The following RNF10 variants were observed in gnomAD, a reference collection of about 807,000 sequenced individuals.
The protein encoded by RNF10 is ring finger protein 10.
Under a neutral mutation model 91.4 loss-of-function variants are expected in RNF10, and 38 were observed. The observed-to-expected ratio is 0.42, with a 90% CI of 0.32 to 0.54. The LOEUF is 0.54. RNF10 is among the 20% of genes least tolerant of loss of function. RNF10 has a pLI of 0.16. For synonymous variants in RNF10, 364 were observed against 366.3 expected (o/e 0.99, Z 0.07); for missense variants, 945 against 1,012.0 (o/e 0.93, Z 0.90).
At chr12:120,536,219 T>G (rs1306779979) in intron 1 of RNF10, among the ~76,000 whole-genome samples, 1 of 151,634 alleles carries the variant, frequency 6.6e-6, no homozygotes, top group Non-Finnish European at 1.5e-5. Context: ...CCCAGGAGTT[T>G]CACACCAGCT....
Position 120,565,329 on chromosome 12 carries a change from C to T in RNF10, c.1784-99C>T, listed in dbSNP as rs80072520. 2.3e-3 allele frequency: 2,779 copies of T among 1,213,816 alleles called. 45 individuals are homozygous for T. In the African/African-American group the frequency reaches 0.037, roughly 16 times the overall value. The allele number at this position is 1,213,816 out of a possible 1,614,324, so 75.2% of individuals were successfully genotyped here. Reference sequence around the variant, plus strand: ...AAACACTTCATCTGTTCATCTAGTCCAGCTGGGCCTACTGTTGTGGGTTTA... The same window carrying T: ...AAACACTTCATCTGTTCATCTAGTCTAGCTGGGCCTACTGTTGTGGGTTTA... On this transcript the variant is annotated intron_variant, in intron 11 of 16. Transcript: ENST00000325954.
chr12:120,548,783 C>A lies in RNF10; in HGVS notation c.354+2182C>A, dbSNP rs191606987. On this transcript the variant is annotated intron_variant, in intron 2 of 16. Transcript: ENST00000325954. ...ACGCCATTCTCCTGCCTCAGTCTCC[C>A]GAGTAGCTGGGACTACAGCTGGGAC... 5.8e-3 allele frequency among the ~76,000 whole-genome samples: 877 copies of A among 151,878 alleles called. 9 individuals carry two copies. The highest frequency in any genetic ancestry group is 0.018 in the Admixed American group (269 of 15,248).
rs574499882 is a variant in RNF10, at chr12:120,539,850, T to TC, written c.157+4885dup. On this transcript the variant is annotated intron_variant, in intron 1 of 16. Transcript: ENST00000325954. ...GAATCTCCTCAGGAACTTTTTTTTTTCCCTCAAGACAGTCTTGCTCTGTCA... is the reference window on the plus strand; with the variant it reads ...GAATCTCCTCAGGAACTTTTTTTTTTCCCCTCAAGACAGTCTTGCTCTGTCA... 6.4e-4 allele frequency among the ~76,000 whole-genome samples: 97 copies of TC among 152,066 alleles called. 1 individual carries two copies. The South Asian group carries it at 0.014, about 23-fold the overall frequency.
In RNF10 at chr12:120,576,993, C is replaced by G. The variant is rs903998668; in HGVS notation, c.*327C>G. On this transcript the variant is annotated 3_prime_UTR_variant, in exon 17 of 17. Coordinates refer to ENST00000325954, the MANE Select transcript of RNF10 (RefSeq NM_014868.5). ...GTAAGATTGAGTCCCCTTTGAGATG[C>G]ATTAGAGCAGTCCAACCCAGAATGG... 2 of 368,016 alleles carry G rather than the reference C, an allele frequency of 5.4e-6. No individual in the cohort carries two copies. The highest frequency in any genetic ancestry group is 4.3e-5 in the African/African-American group (2 of 46,894). The allele number at this position is 368,016 out of a possible 1,614,324, so 22.8% of individuals were successfully genotyped here.
chr12:120,576,149 C>T (rs998479371), intron 16 of RNF10, among the ~76,000 whole-genome samples, 199 bp downstream of exon 16: 6 of 152,156 alleles, frequency 3.9e-5, no homozygotes, highest in Admixed American at 6.5e-5. Context: ...AAATTGATGA[C>T]GCCTGAAAGT....
intron 13 of RNF10, 146 bp from the exon 14 acceptor site, chr12:120,571,045 T>A: frequency 1.6e-6 from 1 of 608,626 alleles, no homozygotes; most frequent in South Asian, 2.0e-5. Flanking sequence ...CATGGAAGAG[T>A]TGAAAGTTGG....
In RNF10 at chr12:120,563,407, A is replaced by C; in HGVS notation, c.1315A>C (p.Thr439Pro). Reference sequence around the variant, plus strand: ...AACCACGGAAGTTTGTTCTCTGGACACTCCTTCTAGACCTCTTGCTCTCCC... The same window carrying C: ...AACCACGGAAGTTTGTTCTCTGGACCCTCCTTCTAGACCTCTTGCTCTCCC... ...EETTEVCSLDTPSRPLALPLV... is the reference protein window; with the variant it reads ...EETTEVCSLDPPSRPLALPLV... Residue 439 changes from threonine (T) to proline (P), a missense_variant, in exon 9 of 17, where the codon ACT becomes CCT. Physicochemically the swap from Thr to Pro is conservative, Grantham distance 38. Coordinates refer to ENST00000325954, the MANE Select transcript of RNF10 (RefSeq NM_014868.5). 6.2e-7 allele frequency: 1 copy of C among 1,613,952 alleles called. No homozygotes were observed. Among genetic ancestry groups the C allele is most frequent in the African/African-American group, 1.3e-5 (1 of 74,970 alleles).
Position 120,563,554 on chromosome 12 carries a change from CAGCAGGAACCCATCACCA to C in RNF10, c.1465_1482del (p.Gln489_Lys494del), listed in dbSNP as rs1160875630. The C allele has an allele frequency of 6.2e-7, 1 of 1,613,892 alleles. No homozygotes were observed. Among genetic ancestry groups the C allele is most frequent in the East Asian group, 2.2e-5 (1 of 44,874 alleles). Reference sequence around the variant, plus strand: ...GGGGACCATTTGCACTGAGTCCAGCCAGCAGGAACCCATCACCAAGTCAGGCTTCACACGCCTCAGCAG... The same window carrying C: ...GGGGACCATTTGCACTGAGTCCAGCCAGTCAGGCTTCACACGCCTCAGCAG... On this transcript the variant is annotated inframe_deletion, in exon 9 of 17. Transcript: ENST00000325954.
chr12:120,535,309 A>C, intron 1 of RNF10: 3 of 204,316 alleles, frequency 1.5e-5, no homozygotes, highest in Non-Finnish European at 2.9e-5. Context: ...ACGCTCCTAA[A>C]ACCACTAAGT....
chr12:120,541,988 T>C (rs1340913024), intron 1 of RNF10, among the ~76,000 whole-genome samples: 1 of 151,568 alleles, frequency 6.6e-6, no homozygotes, highest in African/African-American at 2.4e-5. Context: ...TGCCTCAGCC[T>C]CCTGAGTAGC....
At chr12:120,551,730 C>G (rs564775362) in intron 2 of RNF10, among the ~76,000 whole-genome samples, 1 of 152,252 alleles carries the variant, frequency 6.6e-6, no homozygotes, top group Non-Finnish European at 1.5e-5. Flanking sequence ...AATTCCTGGG[C>G]TCAAGTGCCC....
intron 1 of RNF10, 130 bp downstream of exon 1, chr12:120,535,098 A>G: frequency 4.0e-6 from 4 of 1,008,676 alleles, no homozygotes; most frequent in Non-Finnish European, 5.5e-6. Flanking sequence ...GCCCTTTTCC[A>G]TGGCTCTCAT....
At chr12:120,563,178 A>T in intron 8 of RNF10, 108 bp downstream of exon 8, 1 of 1,536,406 alleles carries the variant, frequency 6.5e-7, no homozygotes, top group Non-Finnish European at 9.0e-7. Context: ...GGGGACAATG[A>T]GTATTTTCTG....
At chr12:120,559,889 G>A (rs1427035820) in intron 6 of RNF10, among the ~76,000 whole-genome samples, 1 of 151,360 alleles carries the variant, frequency 6.6e-6, no homozygotes, top group African/African-American at 2.4e-5. Flanking sequence ...TAGAAACAGG[G>A]TATCTCTATG....
At position 120,576,637 on chromosome 12, in the gene RNF10, T is replaced by C; in HGVS notation, c.2407T>C (p.Phe803Leu). Residue 803 changes from phenylalanine to leucine, a missense_variant, in exon 17 of 17, where the codon TTC becomes CTC. By Grantham distance (22) the Phe-to-Leu change is conservative (BLOSUM62 0). Transcript: ENST00000325954. ...AAAAAAACAGAAACAGAAGCTCCTG[T>C]TCAGCACCTCAGTCGTCCACACCAA... ...KRKKQKQKLL[F>L]STSVVHTK The C allele has an allele frequency of 6.2e-7, 1 of 1,614,028 alleles. No individual in the cohort carries two copies. The highest frequency in any genetic ancestry group is 2.2e-5 in the East Asian group (1 of 44,882).
At chr12:120,547,438 T>C (rs1872499130) in intron 2 of RNF10, among the ~76,000 whole-genome samples, 1 of 152,166 alleles carries the variant, frequency 6.6e-6, no homozygotes, top group African/African-American at 2.4e-5. Context: ...TACAGGTGCA[T>C]GCCACCATGC....
At chr12:120,560,291 A>G (rs1874657007) in intron 6 of RNF10, among the ~76,000 whole-genome samples, 1 of 151,798 alleles carries the variant, frequency 6.6e-6, no homozygotes. Context: ...AGCTGGGATT[A>G]CAGGCATGCC....
chr12:120,560,976 G>C, intron 7 of RNF10, 90 bp downstream of exon 7: 1 of 1,317,420 alleles, frequency 7.6e-7, no homozygotes, highest in South Asian at 1.4e-5. Flanking sequence ...TCACTCTGTC[G>C]GGGGTGAGAT....
intron 1 of RNF10, among the ~76,000 whole-genome samples, chr12:120,545,094 C>G (rs1872118809): frequency 6.6e-6 from 1 of 152,206 alleles, no homozygotes; most frequent in Non-Finnish European, 1.5e-5. Flanking sequence ...TGAGTTAGTG[C>G]TCTGTGGGTA....
Sources: allele counts gnomAD v4.1 joint callset (sites outside exome capture counted in the v4.1 genomes callset), GRCh38; gene constraint gnomAD v4.1.1; transcripts MANE v1.5; gene names NCBI Gene and HGNC (gene_info 2026-07-23, HGNC 2026-07-21).